Variants in MCTP2 observed in about 807,000 individuals in gnomAD.
MCTP2 encodes multiple C2 and transmembrane domain containing 2.
In MCTP2, 132 loss-of-function variants were observed where a neutral mutation model predicts 111.6. The ratio of observed to expected loss-of-function variants is 1.18; its 90% CI spans 1.03 to 1.37. The LOEUF (loss-of-function observed/expected upper bound fraction) is 1.37, where lower values mean the gene tolerates loss of function less well. Among genes scored for constraint, MCTP2 ranks in the 40% most tolerant of loss-of-function variants. MCTP2 has a pLI of 0.00. For synonymous variants in MCTP2, 395 were observed against 387.7 expected (o/e 1.02, Z -0.22); for missense variants, 1,183 against 1,067.9 (o/e 1.11, Z -1.50).
intron 16 of MCTP2, among the ~76,000 whole-genome samples, chr15:94,400,899 A>G (rs1288329270): frequency 2.6e-5 from 4 of 152,132 alleles, no homozygotes; most frequent in Non-Finnish European, 5.9e-5. Context: ...AAGCCTCCAA[A>G]TATTTCATTT....
intron 17 of MCTP2, among the ~76,000 whole-genome samples, chr15:94,426,948 C>G (rs575121363): frequency 6.6e-6 from 1 of 152,184 alleles, no homozygotes; most frequent in East Asian, 1.9e-4. Flanking sequence ...TACTAGGGCC[C>G]TTCTTTTTAA....
chr15:94,270,929 T>C (rs1180296431), intron 1 of MCTP2, among the ~76,000 whole-genome samples: 4 of 152,202 alleles, frequency 2.6e-5, no homozygotes, highest in Non-Finnish European at 5.9e-5. Flanking sequence ...TTCACTGATA[T>C]ATCCCTAGTG....
intron 1 of MCTP2, among the ~76,000 whole-genome samples, chr15:94,246,215 C>G (rs2071994124): frequency 6.6e-6 from 1 of 152,126 alleles, no homozygotes; most frequent in South Asian, 2.1e-4. Context: ...AATGAGGTGT[C>G]AGAGACTGAA....
chr15:94,296,280 C>G (rs562418240), intron 1 of MCTP2, among the ~76,000 whole-genome samples: 4 of 152,136 alleles, frequency 2.6e-5, no homozygotes, highest in African/African-American at 7.2e-5. Context: ...GTATTGCTAA[C>G]GTGAAATTCA....
At chr15:94,383,199 G>C (rs190228170) in intron 12 of MCTP2, among the ~76,000 whole-genome samples, 16 of 152,296 alleles carry the variant, frequency 1.1e-4, no homozygotes, top group African/African-American at 3.8e-4. Context: ...CTCAGGAGCA[G>C]AGCTTAACTC....
chr15:94,358,204 TG>T (rs1567517964), intron 9 of MCTP2, among the ~76,000 whole-genome samples: 1 of 152,214 alleles, frequency 6.6e-6, no homozygotes, highest in Non-Finnish European at 1.5e-5. Context: ...TGTGTATGTG[TG>T]TGTATATATA....
At chr15:94,345,339 G>A (rs1403302801) in intron 8 of MCTP2, among the ~76,000 whole-genome samples, 175 bp downstream of exon 8, 1 of 152,110 alleles carries the variant, frequency 6.6e-6, no homozygotes, top group Non-Finnish European at 1.5e-5. Flanking sequence ...ATTTAATAAG[G>A]GTATTGCCAG....
intron 14 of MCTP2, among the ~76,000 whole-genome samples, chr15:94,391,776 G>T (rs1178287113): frequency 6.6e-6 from 1 of 152,178 alleles, no homozygotes. Flanking sequence ...AGACAGTCTA[G>T]GTGTTTGATT....
At chr15:94,388,887 C>T in intron 14 of MCTP2, among the ~76,000 whole-genome samples, 1 of 152,176 alleles carries the variant, frequency 6.6e-6, no homozygotes, top group East Asian at 1.9e-4. Context: ...TATATTGCCA[C>T]AGTGAGTAAT....
At chr15:94,324,398 C>T (rs1449401401) in intron 4 of MCTP2, among the ~76,000 whole-genome samples, 1 of 152,202 alleles carries the variant, frequency 6.6e-6, no homozygotes, top group Non-Finnish European at 1.5e-5. Flanking sequence ...TACTGTGTTG[C>T]TGGTGCCCTC....
At chr15:94,347,709 G>T (rs1487401170) in intron 8 of MCTP2, among the ~76,000 whole-genome samples, 1 of 152,110 alleles carries the variant, frequency 6.6e-6, no homozygotes, top group Non-Finnish European at 1.5e-5. Flanking sequence ...TTGTTTCCAA[G>T]CCTTATTTCC....
chr15:94,435,609 A>T (rs968785110), intron 17 of MCTP2, among the ~76,000 whole-genome samples: 1 of 150,706 alleles, frequency 6.6e-6, no homozygotes, highest in African/African-American at 2.4e-5. Context: ...ATCTGCTAAA[A>T]AAGTTGTACT....
chr15:94,417,005 A>C (rs1211105863), intron 17 of MCTP2, among the ~76,000 whole-genome samples: 2 of 152,116 alleles, frequency 1.3e-5, no homozygotes, highest in Non-Finnish European at 2.9e-5. Flanking sequence ...CTCATGATGA[A>C]GCAAAGTTTT....
intron 3 of MCTP2, among the ~76,000 whole-genome samples, 182 bp from the exon 4 acceptor site, chr15:94,315,347 A>G (rs2076330897): frequency 6.6e-6 from 1 of 152,128 alleles, no homozygotes; most frequent in Admixed American, 6.6e-5. Context: ...CACTGGGGAG[A>G]AATGTAAGGG....
At chr15:94,257,569 G>T (rs7161933) in intron 1 of MCTP2, among the ~76,000 whole-genome samples, 10,032 of 33,828 alleles carry the variant, frequency 0.3, 1,316 homozygotes, top group South Asian at 0.42. Context: ...TTTCTTTGTT[G>T]TTTTTTTTTT....
intron 10 of MCTP2, among the ~76,000 whole-genome samples, chr15:94,364,067 TAAA>T (rs11429762): frequency 6.8e-6 from 1 of 147,572 alleles, no homozygotes; most frequent in Non-Finnish European, 1.5e-5. Context: ...AAATTTACAT[TAAA>T]AAAAAAAAGA....
At chr15:94,261,461 G>T (rs8036200) in intron 1 of MCTP2, among the ~76,000 whole-genome samples, 2 of 151,978 alleles carry the variant, frequency 1.3e-5, no homozygotes, top group Non-Finnish European at 1.5e-5. Flanking sequence ...CCGGTGGCCA[G>T]GCAGGCTGTA....
In MCTP2 at chr15:94,244,125, CATGTATACACATGCATAT is replaced by C. The variant is rs1567256810; in HGVS notation, c.-66+12462_-66+12479del. ...ACATATGTGTATATGTTTATATACA[CATGTATACACATGCATAT>C]GTGTATATGTTTATATACACGTGTA... On this transcript the variant is annotated intron_variant, in intron 1 of 22. Coordinates refer to ENST00000357742, the MANE Select transcript of MCTP2 (RefSeq NM_001385001.1). 8.3e-3 allele frequency among the ~76,000 whole-genome samples: 1,195 copies of C among 144,526 alleles called. 28 individuals carry two copies. The highest frequency in any genetic ancestry group is 0.028 in the African/African-American group (1,099 of 39,108). The allele number at this position is 144,526 out of a possible 152,430, so 94.8% of individuals were successfully genotyped here. A position where few individuals can be genotyped will look rare whatever the true frequency, so the allele number is the denominator to read the frequency against.
At chr15:94,314,462 G>C (rs543039655) in intron 3 of MCTP2, 118 bp downstream of exon 3, 77 of 733,830 alleles carry the variant, frequency 1.0e-4, no homozygotes, top group Non-Finnish European at 1.6e-4. Flanking sequence ...ATGCCAAACC[G>C]TATCCACTTA....
Sources: allele counts gnomAD v4.1 joint callset (sites outside exome capture counted in the v4.1 genomes callset), GRCh38; gene constraint gnomAD v4.1.1; transcripts MANE v1.5; gene names NCBI Gene and HGNC (gene_info 2026-07-23, HGNC 2026-07-21).